PABPC4L: variants seen among roughly 807,000 people sequenced by gnomAD.
PABPC4L encodes polyadenylate-binding protein 4-like.
For missense variants in PABPC4L, 452 were observed against 451.4 expected, an observed-to-expected ratio of 1.00 and a Z score of -0.01; for synonymous variants, 169 against 164.1, an observed-to-expected ratio of 1.03 and a Z score of -0.23.
chr4:134,009,489 T>A, the PABPC4L span, among the ~76,000 whole-genome samples: 1 of 152,040 alleles, frequency 6.6e-6, no homozygotes, highest in Admixed American at 6.6e-5. Context: ...GAATTAAATA[T>A]ATTGGCTACA....
the PABPC4L span, among the ~76,000 whole-genome samples, chr4:133,963,891 C>T: frequency 1.3e-5 from 2 of 152,028 alleles, no homozygotes; most frequent in East Asian, 1.9e-4. Flanking sequence ...CACAAACTGA[C>T]ATTCTAAGGT....
chr4:133,982,288 T>C, the PABPC4L span, among the ~76,000 whole-genome samples: 1 of 152,000 alleles, frequency 6.6e-6, no homozygotes, highest in African/African-American at 2.4e-5. Context: ...GAGCATCCTA[T>C]TTATATAGTG....
chr4:134,199,676 A>T lies in PABPC4L; in HGVS notation c.*231T>A. 2.0e-6 allele frequency: 1 copy of T among 503,134 alleles called. No homozygotes were observed. Among genetic ancestry groups the T allele is most frequent in the Non-Finnish European group, 3.5e-6 (1 of 289,026 alleles). The allele number at this position is 503,134 out of a possible 1,614,324, so 31.2% of individuals were successfully genotyped here. ...CTATGAACATATCAAAATAAGAAAA[A>T]TGTGCAATATTAAAATTAGAAAATG... On this transcript the variant is annotated 3_prime_UTR_variant, in exon 2 of 2. Transcript: ENST00000421491.
chr4:134,129,851 C>T, the PABPC4L span, among the ~76,000 whole-genome samples: 30 of 151,744 alleles, frequency 2.0e-4, no homozygotes, highest in East Asian at 4.3e-3. Context: ...GGGGAAATCA[C>T]GAGGTCAGGA....
chr4:134,030,150 C>T, the PABPC4L span, among the ~76,000 whole-genome samples: 6 of 151,742 alleles, frequency 4.0e-5, no homozygotes, highest in South Asian at 2.1e-4. Flanking sequence ...TAAGGCAGCA[C>T]GAGAAAGGAT....
chr4:134,065,426 C>T, the PABPC4L span, among the ~76,000 whole-genome samples: 1 of 151,962 alleles, frequency 6.6e-6, no homozygotes, highest in South Asian at 2.1e-4. Context: ...CCTTTGCCTG[C>T]TTTTTCATGA....
At position 134,197,967 on chromosome 4, in the gene PABPC4L, G is replaced by A. The variant is rs182839959; in HGVS notation, c.*1940C>T. 1 of 151,774 alleles carries A rather than the reference G, an allele frequency of 6.6e-6. No individual in the cohort carries two copies. The highest frequency in any genetic ancestry group is 1.5e-5 in the Non-Finnish European group (1 of 67,688). The allele number at this position is 151,774 out of a possible 1,614,324, so 9.4% of individuals were successfully genotyped here. A position where few individuals can be genotyped will look rare whatever the true frequency, so the allele number is the denominator to read the frequency against. ...TTCTAAACATTTTCTTAAGAAAATA[G>A]ATATATTTGCATATATAAGTTCGCA... On this transcript the variant is annotated 3_prime_UTR_variant, in exon 2 of 2. Transcript: ENST00000421491.
At chr4:134,190,408 T>C in the PABPC4L span, among the ~76,000 whole-genome samples, 13 of 152,068 alleles carry the variant, frequency 8.5e-5, no homozygotes, top group South Asian at 2.5e-3. Context: ...CCTTCAGTTC[T>C]TGTGTGGTTT....
chr4:134,002,079 A>T, the PABPC4L span, among the ~76,000 whole-genome samples: 1 of 151,324 alleles, frequency 6.6e-6, no homozygotes, highest in Admixed American at 6.6e-5. Context: ...AAATCTTCAG[A>T]TGTTCTCTAT....
chr4:134,123,373 T>C, the PABPC4L span, among the ~76,000 whole-genome samples: 2 of 152,072 alleles, frequency 1.3e-5, no homozygotes, highest in Non-Finnish European at 2.9e-5. Context: ...TGGCAATAAG[T>C]AGATTACCAA....
At chr4:134,001,947 TA>T in the PABPC4L span, among the ~76,000 whole-genome samples, 1 of 151,996 alleles carries the variant, frequency 6.6e-6, no homozygotes, top group Non-Finnish European at 1.5e-5. Flanking sequence ...ATCAAGTGGA[TA>T]AGCCTGAAAA....
the PABPC4L span, among the ~76,000 whole-genome samples, chr4:134,078,534 T>C: frequency 6.6e-6 from 1 of 152,078 alleles, no homozygotes; most frequent in Non-Finnish European, 1.5e-5. Context: ...GTCAGAGTCC[T>C]GGAAAGTGGA....
chr4:134,095,631 C>T, the PABPC4L span, among the ~76,000 whole-genome samples: 1 of 152,004 alleles, frequency 6.6e-6, no homozygotes, highest in Admixed American at 6.6e-5. Flanking sequence ...TTTACATCAT[C>T]TTGGTAAATT....
At chr4:134,085,157 T>C in the PABPC4L span, among the ~76,000 whole-genome samples, 1 of 152,092 alleles carries the variant, frequency 6.6e-6, no homozygotes, top group South Asian at 2.1e-4. Flanking sequence ...CAGCAGTCCA[T>C]TCTTTTAACC....
chr4:134,172,865 C>T, the PABPC4L span, among the ~76,000 whole-genome samples: 1 of 151,762 alleles, frequency 6.6e-6, no homozygotes, highest in African/African-American at 2.4e-5. Flanking sequence ...CATCACATTA[C>T]CTGACTTCAA....
At chr4:134,091,365 C>G in the PABPC4L span, among the ~76,000 whole-genome samples, 1 of 151,800 alleles carries the variant, frequency 6.6e-6, no homozygotes. Flanking sequence ...TGCCATAGCC[C>G]GGAGATTTAA....
the PABPC4L span, among the ~76,000 whole-genome samples, chr4:133,997,929 A>T: frequency 6.6e-6 from 1 of 151,824 alleles, no homozygotes; most frequent in Non-Finnish European, 1.5e-5. Context: ...GTAGTATTTT[A>T]TTGTTTATAT....
At chr4:134,077,449 AAAGTGTAATTACATTATGCAAATTAAAG>A in the PABPC4L span, among the ~76,000 whole-genome samples, 1 of 152,204 alleles carries the variant, frequency 6.6e-6, no homozygotes, top group African/African-American at 2.4e-5. Flanking sequence ...AGGGGAAAAA[AAAGTGTAATTACATTATGCAAATTAAAG>A]AAGCTTAGAT....
chr4:133,998,711 A>G, the PABPC4L span, among the ~76,000 whole-genome samples: 1 of 151,930 alleles, frequency 6.6e-6, no homozygotes, highest in Non-Finnish European at 1.5e-5. Flanking sequence ...CTATAGTTCA[A>G]TTGTTCAAAG....
Sources: gnomAD v4.1 joint callset for allele counts (sites outside exome capture counted in the v4.1 genomes callset) on GRCh38, gnomAD v4.1.1 for gene constraint, MANE v1.5 for transcripts, NCBI Gene and HGNC (gene_info 2026-07-23, HGNC 2026-07-21) for gene names.